Variants in LMO1 observed in about 807,000 individuals in gnomAD.
LMO1 encodes LIM domain only 1, also known as rhombotin-1.
Under a neutral mutation model 18.0 loss-of-function variants are expected in LMO1, and 10 were observed. That is an observed-to-expected ratio of 0.55 (90% CI 0.34 to 0.94). The LOEUF is 0.94. LMO1 is among the 40% of genes least tolerant of loss of function. LMO1 has a pLI of 0.02. For synonymous variants in LMO1, 77 were observed against 77.9 expected (o/e 0.99, Z 0.06); for missense variants, 183 against 205.7 (o/e 0.89, Z 0.68).
At chr11:8,252,489 G>A (rs1176783723) in intron 1 of LMO1, among the ~76,000 whole-genome samples, 1 of 152,238 alleles carries the variant, frequency 6.6e-6, no homozygotes, top group Non-Finnish European at 1.5e-5. Flanking sequence ...CCACTTCCTT[G>A]AGTGTGGGCT....
chr11:8,237,262 T>G (rs1032110287), intron 1 of LMO1, among the ~76,000 whole-genome samples: 1 of 151,736 alleles, frequency 6.6e-6, no homozygotes, highest in African/African-American at 2.4e-5. Flanking sequence ...CAGGGTAGGA[T>G]CCCAAACCAA....
chr11:8,242,287 C>T (rs908787337), intron 1 of LMO1, among the ~76,000 whole-genome samples: 8 of 152,302 alleles, frequency 5.3e-5, no homozygotes, highest in Middle Eastern at 3.4e-3. Flanking sequence ...GCCTCCACTG[C>T]GTGCCTCCCT....
upstream of LMO1, among the ~76,000 whole-genome samples, chr11:8,267,841 T>C (rs1325778992): frequency 6.6e-6 from 1 of 152,220 alleles, no homozygotes; most frequent in African/African-American, 2.4e-5. Flanking sequence ...GGTGAACTGA[T>C]GGCAGTTCCC....
At chr11:8,266,175 G>A (rs1219067829), upstream of LMO1, among the ~76,000 whole-genome samples, 2 of 152,314 alleles carry the variant, frequency 1.3e-5, no homozygotes, top group East Asian at 3.9e-4. Flanking sequence ...CCCCAGCTGT[G>A]AGCATGGTGC....
intron 1 of LMO1, among the ~76,000 whole-genome samples, chr11:8,257,958 A>G (rs945538870): frequency 1.3e-5 from 2 of 152,240 alleles, no homozygotes; most frequent in African/African-American, 2.4e-5. Flanking sequence ...AAATGTGTAC[A>G]TGGACAGTAC....
rs548912586 is a variant in LMO1, at chr11:8,261,901, C to T, written c.25+1437G>A. On this transcript the variant is annotated intron_variant, in intron 1 of 3. Coordinates refer to ENST00000335790, the MANE Select transcript of LMO1 (RefSeq NM_002315.3). Reference sequence around the variant, plus strand: ...TGTCCCACCCCAGCTAGCCCAGAAGCACTGAGGTTCCCCCCATCCTCTCTC... The same window carrying T: ...TGTCCCACCCCAGCTAGCCCAGAAGTACTGAGGTTCCCCCCATCCTCTCTC... Among the ~76,000 whole-genome samples, 11 of 152,298 alleles carry T rather than the reference C, an allele frequency of 7.2e-5. No individual in the cohort carries two copies. The South Asian group carries it at 2.3e-3, about 32-fold the overall frequency.
intron 1 of LMO1, among the ~76,000 whole-genome samples, chr11:8,241,541 C>A (rs2134550562): frequency 6.6e-6 from 1 of 152,322 alleles, no homozygotes; most frequent in East Asian, 1.9e-4. Context: ...CAGCCATACT[C>A]CAAACTCCTT....
chr11:8,242,707 G>A (rs768438399), intron 1 of LMO1, among the ~76,000 whole-genome samples: 18 of 152,194 alleles, frequency 1.2e-4, no homozygotes, highest in Non-Finnish European at 1.6e-4. Flanking sequence ...CGCAAAGCCC[G>A]CGTCACCCAT....
At chr11:8,225,229 T>C (rs998930473) in intron 3 of LMO1, among the ~76,000 whole-genome samples, 15 of 151,180 alleles carry the variant, frequency 9.9e-5, no homozygotes, top group African/African-American at 3.2e-4. Context: ...CTGGCCAAGG[T>C]GGTGAAACCC....
At chr11:8,251,993 C>CGT (rs36146184) in intron 1 of LMO1, among the ~76,000 whole-genome samples, 5 of 142,416 alleles carry the variant, frequency 3.5e-5, no homozygotes, top group Admixed American at 1.4e-4. Flanking sequence ...TGGGGGTGTG[C>CGT]GTGTGTGTGT....
At chr11:8,238,670 CA>C (rs11375128) in intron 1 of LMO1, among the ~76,000 whole-genome samples, 329 of 60,876 alleles carry the variant, frequency 5.4e-3, no homozygotes, top group Middle Eastern at 0.031. Flanking sequence ...GACTCCATCT[CA>C]AAAAAAAAAA....
chr11:8,246,069 A>T (rs1257439420), intron 1 of LMO1, among the ~76,000 whole-genome samples: 1 of 152,198 alleles, frequency 6.6e-6, no homozygotes, highest in Non-Finnish European at 1.5e-5. Flanking sequence ...TGAGGGAGCC[A>T]TCCCCGTGAT....
At chr11:8,256,126 A>G (rs551300305) in intron 1 of LMO1, among the ~76,000 whole-genome samples, 11 of 152,334 alleles carry the variant, frequency 7.2e-5, no homozygotes, top group Admixed American at 3.3e-4. Flanking sequence ...CGCCCGGCCA[A>G]TGCTGCACTT....
chr11:8,265,496 C>T (rs1358799351), upstream of LMO1, among the ~76,000 whole-genome samples: 1 of 152,172 alleles, frequency 6.6e-6, no homozygotes, highest in Non-Finnish European at 1.5e-5. Flanking sequence ...TAATGAGATG[C>T]CTCATCTGCA....
chr11:8,233,436 ACGGAAGCAATCCCTTGCTT>A (rs1319321034), intron 1 of LMO1, among the ~76,000 whole-genome samples: 1 of 152,100 alleles, frequency 6.6e-6, no homozygotes, highest in Admixed American at 6.5e-5. Flanking sequence ...CATAAGAAAA[ACGGAAGCAATCCCTTGCTT>A]CTCACAGGAG....
upstream of LMO1, among the ~76,000 whole-genome samples, chr11:8,265,688 G>A (rs185912412): frequency 1.3e-5 from 2 of 152,278 alleles, no homozygotes; most frequent in Admixed American, 1.3e-4. Context: ...CTTTGGCACC[G>A]CTGCCACCGG....
rs1952553333 is a variant in LMO1 at position 8,226,891 on chromosome 11, G to A, written c.365+84C>T. The A allele has an allele frequency of 8.0e-6, 12 of 1,498,980 alleles. No homozygotes were observed. The East Asian group carries it at 9.7e-5, about 12-fold the overall frequency. The allele number at this position is 1,498,980 out of a possible 1,614,324, so 92.9% of individuals were successfully genotyped here. A position where few individuals can be genotyped will look rare whatever the true frequency, so the allele number is the denominator to read the frequency against. On this transcript the variant is annotated intron_variant, in intron 3 of 3. Coordinates refer to ENST00000335790, the MANE Select transcript of LMO1 (RefSeq NM_002315.3). ...ACACGCAACCCGCATTTGCGTGCACGCCTCCGCCGTGCTCCTGGCCCATCC... is the reference window on the plus strand; with the variant it reads ...ACACGCAACCCGCATTTGCGTGCACACCTCCGCCGTGCTCCTGGCCCATCC...
At chr11:8,262,056 G>C (rs1480255575) in intron 1 of LMO1, among the ~76,000 whole-genome samples, 1 of 152,286 alleles carries the variant, frequency 6.6e-6, no homozygotes, top group East Asian at 1.9e-4. Flanking sequence ...ACCTGGCAGC[G>C]GCAATGCGAA....
At chr11:8,227,471 G>C (rs980537287) in intron 2 of LMO1, among the ~76,000 whole-genome samples, 5 of 152,184 alleles carry the variant, frequency 3.3e-5, no homozygotes, top group Admixed American at 1.3e-4. Flanking sequence ...TGGGTTGTGT[G>C]CCCTCAGGCA....
Sources: allele counts gnomAD v4.1 joint callset (sites outside exome capture counted in the v4.1 genomes callset), GRCh38; gene constraint gnomAD v4.1.1; transcripts MANE v1.5; gene names NCBI Gene and HGNC (gene_info 2026-07-23, HGNC 2026-07-21).